SCLT1: variants seen among roughly 807,000 people sequenced by gnomAD.
SCLT1 encodes sodium channel-associated protein 1.
SCLT1 carries 78 observed loss-of-function variants against 112.8 expected under a neutral mutation model. That is an observed-to-expected ratio of 0.69 (90% confidence interval 0.58 to 0.83). The LOEUF is 0.83. Among genes scored for constraint, SCLT1 ranks in the 40% least tolerant of loss-of-function variants. The pLI is 0.00. For synonymous variants in SCLT1, 257 were observed against 254.7 expected, an observed-to-expected ratio of 1.01 and a Z score of -0.09; for missense variants, 747 against 770.4, an observed-to-expected ratio of 0.97 and a Z score of 0.36.
intron 18 of SCLT1, among the ~76,000 whole-genome samples, chr4:128,914,404 T>TA (rs1389769973): frequency 8.6e-5 from 13 of 151,762 alleles, no homozygotes; most frequent in Non-Finnish European, 1.5e-4. Context: ...TTTATTGTAA[T>TA]AAAAAATCCT....
intron 15 of SCLT1, 143 bp downstream of exon 15, chr4:128,948,353 A>G (rs985799219): frequency 9.7e-7 from 1 of 1,034,414 alleles, no homozygotes; most frequent in Non-Finnish European, 1.3e-6. Context: ...AAAAAAAAAA[A>G]AAAAAAGAAA....
intron 5 of SCLT1, chr4:128,874,204 T>C (rs1732404444): frequency 6.5e-6 from 1 of 152,724 alleles, no homozygotes; most frequent in South Asian, 2.1e-4. Context: ...TTTTGCTGGA[T>C]ACAGGAGAAG....
chr4:128,990,673 T>C (rs1742486082), intron 9 of SCLT1, among the ~76,000 whole-genome samples: 2 of 151,842 alleles, frequency 1.3e-5, no homozygotes, highest in Non-Finnish European at 2.9e-5. Flanking sequence ...GCAGATGACA[T>C]GATCTTATAT....
intron 2 of SCLT1, among the ~76,000 whole-genome samples, chr4:129,046,412 T>C (rs1561010543): frequency 2.0e-5 from 3 of 152,102 alleles, no homozygotes. Flanking sequence ...AAAAACATTA[T>C]AAAAATATAA....
At chr4:129,060,532 T>C (rs749839538) in intron 2 of SCLT1, among the ~76,000 whole-genome samples, 3 of 152,156 alleles carry the variant, frequency 2.0e-5, no homozygotes, top group Admixed American at 2.0e-4. Flanking sequence ...GGGAAGGGCG[T>C]GGTAATTTTG....
At chr4:129,071,801 G>A (rs1275729167) in intron 2 of SCLT1, among the ~76,000 whole-genome samples, 1 of 152,176 alleles carries the variant, frequency 6.6e-6, no homozygotes, top group Admixed American at 6.6e-5. Context: ...TACATTCAGT[G>A]TTAGTATTGA....
chr4:129,000,115 AAGAAGAAAAC>A lies in SCLT1; in HGVS notation c.427-331_427-322del, dbSNP rs545577655. Among the ~76,000 whole-genome samples, 322 of 152,042 alleles carry A rather than the reference AAGAAGAAAAC, an allele frequency of 2.1e-3. 1 individual carries two copies. Among genetic ancestry groups the A allele is most frequent in the African/African-American group, 7.5e-3 (311 of 41,548 alleles). Reference sequence around the variant, plus strand: ...AAAGTATAAGCCCTAGAAACTGATGAAGAAGAAAACTGCCTCCTGGTAAAGTACAATATTT... The same window carrying A: ...AAAGTATAAGCCCTAGAAACTGATGATGCCTCCTGGTAAAGTACAATATTT... On this transcript the variant is annotated intron_variant, in intron 6 of 20. Coordinates refer to ENST00000281142, the MANE Select transcript of SCLT1 (RefSeq NM_144643.4).
intron 9 of SCLT1, among the ~76,000 whole-genome samples, chr4:128,975,293 C>T (rs1741066878): frequency 6.6e-6 from 1 of 151,960 alleles, no homozygotes; most frequent in African/African-American, 2.4e-5. Context: ...CCTGCCTCGG[C>T]CTCGCAGACT....
chr4:129,032,860 T>C (rs576902824), intron 5 of SCLT1, among the ~76,000 whole-genome samples: 2 of 152,124 alleles, frequency 1.3e-5, no homozygotes, highest in Non-Finnish European at 2.9e-5. Context: ...TGTGGAGAAA[T>C]AGGAATGCTT....
At chr4:128,986,943 T>C (rs1041502064) in intron 9 of SCLT1, among the ~76,000 whole-genome samples, 7 of 152,048 alleles carry the variant, frequency 4.6e-5, no homozygotes, top group African/African-American at 1.7e-4. Flanking sequence ...GACAGCACAG[T>C]GTACAGAGAG....
chr4:129,064,890 ACT>A (rs1241226149), intron 2 of SCLT1, among the ~76,000 whole-genome samples: 1 of 152,134 alleles, frequency 6.6e-6, no homozygotes, highest in Admixed American at 6.6e-5. Flanking sequence ...GAAATTTATG[ACT>A]CAGCATATGG....
rs574028044 is a variant in SCLT1, at chr4:129,049,307, A to T, written c.103-5256T>A. Among the ~76,000 whole-genome samples, 12 of 152,236 alleles carry T rather than the reference A, an allele frequency of 7.9e-5. 1 individual carries two copies. Among genetic ancestry groups the T allele is most frequent in the African/African-American group, 2.6e-4 (11 of 41,552 alleles). On this transcript the variant is annotated intron_variant, in intron 2 of 20. Coordinates refer to ENST00000281142, the MANE Select transcript of SCLT1 (RefSeq NM_144643.4). ...ATGGAATACTATGCAGCCATAAAAA[A>T]TGATGAGTTCACGTCCTTTGTAGGA...
chr4:129,073,694 A>G (rs938972415), intron 2 of SCLT1, among the ~76,000 whole-genome samples: 1 of 152,206 alleles, frequency 6.6e-6, no homozygotes, highest in Non-Finnish European at 1.5e-5. Flanking sequence ...CAATGAATAA[A>G]TGAATTTCTT....
Position 128,965,288 on chromosome 4 carries a change from C to G in SCLT1, c.808G>C (p.Glu270Gln), listed in dbSNP as rs369084418. The G allele has an allele frequency of 3.4e-5, 54 of 1,610,032 alleles. No homozygotes were observed. The highest frequency in any genetic ancestry group is 4.2e-5 in the Non-Finnish European group (50 of 1,176,616). The change falls in exon 11 of 21, where the codon GAG becomes CAG. Residue 270 changes from glutamate (E) to glutamine (Q), a missense_variant. Glu to Gln is a conservative substitution (Grantham distance 29). Transcript: ENST00000281142. The stretch of plus-strand genomic sequence containing the variant: ...TGTAAACGCCTATCTGATGCTTCCT[C>G]TCTTCCATGGGCAGACACCACATCC... ...EKDVVSAHGR[E>Q]EASDRRLQQL...
At chr4:129,056,105 T>C (rs1403102944) in intron 2 of SCLT1, among the ~76,000 whole-genome samples, 1 of 152,146 alleles carries the variant, frequency 6.6e-6, no homozygotes, top group African/African-American at 2.4e-5. Context: ...TCACTCTCCA[T>C]GGTCTGCAAC....
At chr4:128,993,968 T>C (rs1243408434) in intron 8 of SCLT1, among the ~76,000 whole-genome samples, 3 of 152,128 alleles carry the variant, frequency 2.0e-5, no homozygotes, top group Non-Finnish European at 4.4e-5. Flanking sequence ...TCAGAGCATA[T>C]CTATTGCATA....
intron 11 of SCLT1, among the ~76,000 whole-genome samples, chr4:128,962,493 C>A (rs2126019010): frequency 6.6e-6 from 1 of 152,242 alleles, no homozygotes; most frequent in Non-Finnish European, 1.5e-5. Flanking sequence ...TTCCTTTATA[C>A]TGATAATATT....
intron 2 of SCLT1, among the ~76,000 whole-genome samples, chr4:129,074,853 C>T (rs1042958572): frequency 2.0e-5 from 3 of 152,070 alleles, no homozygotes; most frequent in African/African-American, 7.2e-5. Flanking sequence ...AGGCATGCAC[C>T]ATCATGCCCG....
chr4:128,883,404 C>A (rs989178854), downstream of SCLT1, among the ~76,000 whole-genome samples: 2 of 151,774 alleles, frequency 1.3e-5, no homozygotes, highest in Non-Finnish European at 2.9e-5. Context: ...CCGGGCCTGT[C>A]GAGGGGTGAA....
Sources: gnomAD v4.1 joint callset for allele counts (sites outside exome capture counted in the v4.1 genomes callset) on GRCh38, gnomAD v4.1.1 for gene constraint, MANE v1.5 for transcripts, NCBI Gene and HGNC (gene_info 2026-07-23, HGNC 2026-07-21) for gene names.